Variants in CDK8 observed in about 807,000 individuals in gnomAD.
The protein encoded by CDK8 is cyclin dependent kinase 8.
CDK8 carries 29 observed loss-of-function variants against 71.5 expected under a neutral mutation model. The observed-to-expected ratio is 0.41, with a 90% CI of 0.30 to 0.55. The LOEUF is 0.55. Among genes scored for constraint, CDK8 ranks in the 20% least tolerant of loss-of-function variants. The pLI is 0.37. For synonymous variants in CDK8, 161 were observed against 192.1 expected, an observed-to-expected ratio of 0.84 and a Z score of 1.34; for missense variants, 288 against 572.6, an observed-to-expected ratio of 0.50 and a Z score of 5.07.
chr13:26,364,580 A>G (rs2138017268), intron 4 of CDK8, among the ~76,000 whole-genome samples: 2 of 152,284 alleles, frequency 1.3e-5, no homozygotes, highest in Middle Eastern at 6.8e-3. Flanking sequence ...TATACCTTTC[A>G]AATTGTTGGA....
At chr13:26,395,208 T>C (rs1875926389) in intron 7 of CDK8, among the ~76,000 whole-genome samples, 1 of 152,254 alleles carries the variant, frequency 6.6e-6, no homozygotes, top group African/African-American at 2.4e-5. Context: ...CTAAAGGTTT[T>C]GCGAGGCCGC....
At chr13:26,396,511 C>CT (rs1484266603) in intron 8 of CDK8, among the ~76,000 whole-genome samples, 157 bp downstream of exon 8, 1 of 151,972 alleles carries the variant, frequency 6.6e-6, no homozygotes, top group Non-Finnish European at 1.5e-5. Context: ...TGATGACAGT[C>CT]TTTATTTCTT....
intron 1 of CDK8, among the ~76,000 whole-genome samples, chr13:26,307,078 C>T (rs1402628127): frequency 6.6e-6 from 1 of 152,098 alleles, no homozygotes; most frequent in Non-Finnish European, 1.5e-5. Context: ...CACCTTTATC[C>T]TCTACTTGAA....
intron 1 of CDK8, among the ~76,000 whole-genome samples, chr13:26,267,858 C>G (rs957422528): frequency 6.6e-6 from 1 of 152,176 alleles, no homozygotes; most frequent in Non-Finnish European, 1.5e-5. Flanking sequence ...GGATGATACA[C>G]TGGCAGAAAG....
chr13:26,289,090 C>G (rs1221271726), intron 1 of CDK8, among the ~76,000 whole-genome samples: 1 of 110,266 alleles, frequency 9.1e-6, no homozygotes, highest in East Asian at 3.1e-4. Context: ...CAGTCTTGCT[C>G]TGTGGCCAGG....
At chr13:26,311,283 C>T (rs9553786) in intron 1 of CDK8, among the ~76,000 whole-genome samples, 62,152 of 151,808 alleles carry the variant, frequency 0.41, 14,435 homozygotes, top group Non-Finnish European at 0.52. Flanking sequence ...TTTCCTTTAC[C>T]GTATATTTTT....
At chr13:26,344,457 C>A (rs1037814303) in intron 2 of CDK8, among the ~76,000 whole-genome samples, 9 of 152,032 alleles carry the variant, frequency 5.9e-5, no homozygotes, top group African/African-American at 2.2e-4. Flanking sequence ...ACATTTTATC[C>A]CACTAGAAAG....
In CDK8 at chr13:26,367,029, C is replaced by A. The variant is rs571970193; in HGVS notation, c.456+13149C>A. ...GGTCGAACATTTCCATCATGGCTAA[C>A]TTTCTGTCTTATTAGAGTAAACTTG... On this transcript the variant is annotated intron_variant, in intron 4 of 12. Transcript: ENST00000381527. 2.6e-5 allele frequency among the ~76,000 whole-genome samples: 4 copies of A among 152,280 alleles called. No homozygotes were observed. In the East Asian group the frequency reaches 5.8e-4, roughly 22 times the overall value.
intron 4 of CDK8, among the ~76,000 whole-genome samples, chr13:26,377,544 A>T (rs552756794): frequency 6.6e-6 from 1 of 152,206 alleles, no homozygotes; most frequent in African/African-American, 2.4e-5. Flanking sequence ...CTTTTTTTTC[A>T]AATTTAAACA....
At position 26,351,346 on chromosome 13, in the gene CDK8, C is replaced by CT. The variant is rs748853232; in HGVS notation, c.315+2173dup. On this transcript the variant is annotated intron_variant, in intron 3 of 12. Coordinates refer to ENST00000381527, the MANE Select transcript of CDK8 (RefSeq NM_001260.3). ...AGTTCATGCTGGTTATTAATTTCTT[C>CT]TTTTTTTTTAAATCTTTGGTTCTTC... Among the ~76,000 whole-genome samples, 296 of 151,156 alleles carry CT rather than the reference C, an allele frequency of 2.0e-3. 1 individual carries two copies. Among genetic ancestry groups the CT allele is most frequent in the Non-Finnish European group, 3.4e-3 (232 of 67,696 alleles).
At chr13:26,281,598 A>G (rs1322261085) in intron 1 of CDK8, among the ~76,000 whole-genome samples, 1 of 152,226 alleles carries the variant, frequency 6.6e-6, no homozygotes, top group Non-Finnish European at 1.5e-5. Context: ...AACATCCCCA[A>G]AAGACCACAC....
Position 26,254,429 on chromosome 13 carries a change from C to A in CDK8, c.-213C>A. On this transcript the variant is annotated 5_prime_UTR_variant, in exon 1 of 13. Transcript: ENST00000381527. The surrounding 1 kb of genome is among the most constrained non-coding windows in gnomAD (Gnocchi z 6.7). ...CGGGGGATCCTCCCCGTTCCTCCACCCCCGGCCGGCCTCTGCCCCGCCGTC... is the reference window on the plus strand; with the variant it reads ...CGGGGGATCCTCCCCGTTCCTCCACACCCGGCCGGCCTCTGCCCCGCCGTC... 2.3e-6 allele frequency: 1 copy of A among 429,164 alleles called. No individual in the cohort carries two copies. Among genetic ancestry groups the A allele is most frequent in the Non-Finnish European group, 4.2e-6 (1 of 236,930 alleles). 26.6% of individuals were successfully genotyped at this position (429,164 alleles called of 1,614,324 possible).
intron 1 of CDK8, among the ~76,000 whole-genome samples, chr13:26,258,239 A>G (rs1871615172): frequency 6.6e-6 from 1 of 152,202 alleles, no homozygotes; most frequent in East Asian, 1.9e-4. Context: ...TCCAGAGCCC[A>G]TGCTCTTAAC....
intron 1 of CDK8, among the ~76,000 whole-genome samples, chr13:26,259,729 A>G (rs1349578700): frequency 6.6e-6 from 1 of 152,198 alleles, no homozygotes; most frequent in African/African-American, 2.4e-5. Flanking sequence ...GGATTTGTTC[A>G]TGTGAGTTAT....
chr13:26,359,552 A>G (rs1322951402), intron 4 of CDK8: 5 of 172,878 alleles, frequency 2.9e-5, no homozygotes, highest in South Asian at 1.1e-4. Flanking sequence ...TGATTTGGCA[A>G]TGGTATCTGA....
intron 1 of CDK8, among the ~76,000 whole-genome samples, chr13:26,288,781 A>G (rs1487680010): frequency 6.6e-6 from 1 of 152,060 alleles, no homozygotes; most frequent in Non-Finnish European, 1.5e-5. Flanking sequence ...TTGATTTTAG[A>G]CAGAATCTCA....
chr13:26,340,798 C>G (rs189318585), intron 2 of CDK8, among the ~76,000 whole-genome samples: 1 of 152,264 alleles, frequency 6.6e-6, no homozygotes, highest in Non-Finnish European at 1.5e-5. Context: ...GACTGTAATG[C>G]GTTTCTTCCC....
At chr13:26,398,940 G>A (rs1312621472) in intron 9 of CDK8, among the ~76,000 whole-genome samples, 3 of 147,934 alleles carry the variant, frequency 2.0e-5, no homozygotes, top group Non-Finnish European at 4.5e-5. Flanking sequence ...CTCTAGCCTG[G>A]CAACAAAGCA....
Position 26,401,774 on chromosome 13 carries a change from T to G in CDK8, c.1269+150T>G. The G allele has an allele frequency of 1.2e-6, 1 of 825,916 alleles. No homozygotes were observed. The highest frequency in any genetic ancestry group is 1.7e-5 in the South Asian group (1 of 59,666). 51.2% of individuals were successfully genotyped at this position (825,916 alleles called of 1,614,324 possible). On this transcript the variant is annotated intron_variant, in intron 12 of 12. Transcript: ENST00000381527. This position sits in a 1 kb window ranked among gnomAD's most constrained non-coding sequence, Gnocchi z 4.5. ...AAATGTTACTGGCATGGAAAAGTAC[T>G]GACAGTGGTATGGTAGCAAGGGTTT...
Sources: allele counts gnomAD v4.1 joint callset (sites outside exome capture counted in the v4.1 genomes callset), GRCh38; gene constraint gnomAD v4.1.1; non-coding constraint Gnocchi (gnomAD v3.1); transcripts MANE v1.5; gene names NCBI Gene and HGNC (gene_info 2026-07-23, HGNC 2026-07-21).